TNR: variants seen among roughly 807,000 people sequenced by gnomAD.
TNR encodes tenascin R, also known as tenascin-R.
Under a neutral mutation model 150.4 loss-of-function variants are expected in TNR, and 45 were observed. That is an observed-to-expected ratio of 0.30 (90% confidence interval 0.24 to 0.38). The LOEUF is 0.38. Ranked by LOEUF, TNR falls within the 10% of genes least tolerant of loss-of-function variation. The pLI is 1.00. For synonymous variants in TNR, 687 were observed against 678.4 expected, an observed-to-expected ratio of 1.01 and a Z score of -0.20; for missense variants, 1,544 against 1,759.1, an observed-to-expected ratio of 0.88 and a Z score of 2.19.
chr1:175,659,988 GT>G (rs1297189402), intron 1 of TNR, among the ~76,000 whole-genome samples: 1 of 151,428 alleles, frequency 6.6e-6, no homozygotes, highest in Non-Finnish European at 1.5e-5. Context: ...GTGGATCTGG[GT>G]GGAATGCTAG....
At chr1:175,667,893 G>A (rs149711545) in intron 1 of TNR, among the ~76,000 whole-genome samples, 33 of 152,328 alleles carry the variant, frequency 2.2e-4, no homozygotes, top group Middle Eastern at 6.8e-3. Flanking sequence ...GAAAGCACTA[G>A]TCAGCAGGTC....
At chr1:175,707,119 A>T (rs1348255366) in intron 1 of TNR, among the ~76,000 whole-genome samples, 1 of 152,172 alleles carries the variant, frequency 6.6e-6, no homozygotes, top group Non-Finnish European at 1.5e-5. Flanking sequence ...AAATTCTCAA[A>T]ACACTATTTT....
intron 1 of TNR, among the ~76,000 whole-genome samples, chr1:175,731,345 TC>T (rs1395713366): frequency 6.6e-6 from 1 of 152,194 alleles, no homozygotes; most frequent in African/African-American, 2.4e-5. Flanking sequence ...CTATAGTAAT[TC>T]TACCATCTAT....
chr1:175,507,428 G>A lies in TNR; in HGVS notation c.-64+20841C>T, dbSNP rs950661705. Reference sequence around the variant, plus strand: ...TAATGATAACTGAACACTCCTATGTGCCAGGAATGTTACATGAGTCCTTTG... The same window carrying A: ...TAATGATAACTGAACACTCCTATGTACCAGGAATGTTACATGAGTCCTTTG... On this transcript the variant is annotated intron_variant, in intron 2 of 22. Coordinates refer to ENST00000367674, the MANE Select transcript of TNR (RefSeq NM_003285.3). Among the ~76,000 whole-genome samples the A allele has an allele frequency of 3.9e-5, 6 of 152,162 alleles. No individual in the cohort carries two copies. The East Asian group carries it at 1.2e-3, about 29-fold the overall frequency.
chr1:175,695,312 AC>A (rs1005158167), intron 1 of TNR, among the ~76,000 whole-genome samples: 1 of 152,188 alleles, frequency 6.6e-6, no homozygotes, highest in African/African-American at 2.4e-5. Flanking sequence ...GAGATCCTGT[AC>A]ACAGATTCTG....
intron 2 of TNR, among the ~76,000 whole-genome samples, chr1:175,434,270 C>T (rs1029486246): frequency 6.6e-6 from 1 of 152,148 alleles, no homozygotes; most frequent in African/African-American, 2.4e-5. Flanking sequence ...TTTATGTTAG[C>T]ATATGGGGTG....
chr1:175,504,674 C>T (rs972601586), intron 2 of TNR, among the ~76,000 whole-genome samples: 3 of 152,138 alleles, frequency 2.0e-5, no homozygotes, highest in Admixed American at 6.5e-5. Flanking sequence ...CATGGAGCCC[C>T]CGGCCTTCCA....
At chr1:175,522,611 G>A (rs1659684532) in intron 2 of TNR, among the ~76,000 whole-genome samples, 1 of 152,134 alleles carries the variant, frequency 6.6e-6, no homozygotes, top group Non-Finnish European at 1.5e-5. Context: ...ACTACAATCT[G>A]TAGGCAAAAC....
chr1:175,558,334 C>T (rs1310049059), intron 1 of TNR, among the ~76,000 whole-genome samples: 1 of 151,834 alleles, frequency 6.6e-6, no homozygotes. Flanking sequence ...AAATAATTAT[C>T]TTATATCTAT....
At chr1:175,457,279 G>A (rs1366706570) in intron 2 of TNR, among the ~76,000 whole-genome samples, 2 of 152,238 alleles carry the variant, frequency 1.3e-5, no homozygotes, top group African/African-American at 4.8e-5. Context: ...CCTGGCAGAT[G>A]CTGCCCCAAC....
At chr1:175,665,987 C>T (rs1262867438) in intron 1 of TNR, among the ~76,000 whole-genome samples, 2 of 152,154 alleles carry the variant, frequency 1.3e-5, no homozygotes, top group Non-Finnish European at 2.9e-5. Flanking sequence ...ATTCCATCCT[C>T]TTGGAAGGGA....
At chr1:175,496,559 G>A (rs182205326) in intron 2 of TNR, among the ~76,000 whole-genome samples, 17 of 152,282 alleles carry the variant, frequency 1.1e-4, no homozygotes, top group African/African-American at 9.6e-5. Flanking sequence ...TCGAGGTAGC[G>A]CTTAACATTT....
intron 1 of TNR, among the ~76,000 whole-genome samples, chr1:175,602,145 G>T (rs1271430385): frequency 7.7e-6 from 1 of 129,544 alleles, no homozygotes; most frequent in Non-Finnish European, 1.5e-5. Flanking sequence ...CCAGGCTCCT[G>T]CCAAGACAAT....
intron 2 of TNR, among the ~76,000 whole-genome samples, chr1:175,419,422 A>G (rs147952526): frequency 1.3e-5 from 2 of 152,118 alleles, no homozygotes; most frequent in African/African-American, 4.8e-5. Context: ...AGGGTTCCCA[A>G]AGTTCGTGTG....
At chr1:175,641,229 A>G (rs965118309) in intron 1 of TNR, among the ~76,000 whole-genome samples, 17 of 151,880 alleles carry the variant, frequency 1.1e-4, no homozygotes, top group East Asian at 5.8e-4. Flanking sequence ...CATACTAGCA[A>G]GTGGCCAAAC....
chr1:175,419,478 C>T (rs1031652967), intron 2 of TNR, among the ~76,000 whole-genome samples: 6 of 152,030 alleles, frequency 3.9e-5, no homozygotes, highest in Non-Finnish European at 7.4e-5. Context: ...GGATGCAGAA[C>T]ATTTCAGGGG....
At chr1:175,705,660 A>T (rs12074480) in intron 1 of TNR, among the ~76,000 whole-genome samples, 3,476 of 152,226 alleles carry the variant, frequency 0.023, 120 homozygotes, top group African/African-American at 0.075. Context: ...GGTAAATGCC[A>T]TATTATAAAA....
intron 1 of TNR, among the ~76,000 whole-genome samples, chr1:175,660,138 T>C (rs1156894259): frequency 2.0e-5 from 3 of 152,158 alleles, no homozygotes; most frequent in Non-Finnish European, 2.9e-5. Context: ...TTTCCACAAA[T>C]TTAAAATGAA....
intron 1 of TNR, among the ~76,000 whole-genome samples, chr1:175,553,721 G>C (rs1335902941): frequency 6.6e-6 from 1 of 151,848 alleles, no homozygotes; most frequent in Non-Finnish European, 1.5e-5. Context: ...TAGGGGACTT[G>C]AGTGTATGAT....
Sources: gnomAD v4.1 joint callset for allele counts (sites outside exome capture counted in the v4.1 genomes callset) on GRCh38, gnomAD v4.1.1 for gene constraint, MANE v1.5 for transcripts, NCBI Gene and HGNC (gene_info 2026-07-23, HGNC 2026-07-21) for gene names.